Variants in FRZB observed in about 807,000 individuals in gnomAD.
The protein encoded by FRZB is secreted frizzled-related protein 3.
FRZB carries 34 observed loss-of-function variants against 32.5 expected under a neutral mutation model. That is an observed-to-expected ratio of 1.05 (90% CI 0.80 to 1.39). The LOEUF (loss-of-function observed/expected upper bound fraction) is 1.39, where lower values mean the gene tolerates loss of function less well. FRZB is among the 40% of genes most tolerant of loss of function. FRZB has a pLI of 0.00. For missense variants in FRZB, 423 were observed against 424.8 expected (o/e 1.00, Z 0.04); for synonymous variants, 170 against 159.2 (o/e 1.07, Z -0.51).
intron 2 of FRZB, among the ~76,000 whole-genome samples, chr2:182,849,502 A>G (rs925801855): frequency 7.2e-5 from 11 of 152,284 alleles, no homozygotes; most frequent in Non-Finnish European, 1.3e-4. Context: ...TTTATTTCCT[A>G]CACCTATACA....
rs150220037 is a variant in FRZB, at chr2:182,834,255, A to G, written c.*594T>C. On this transcript the variant is annotated 3_prime_UTR_variant, in exon 6 of 6. Transcript: ENST00000295113. ...TTTATTTTACTTCCTGACAGTCTCA[A>G]AAATAATTCATCTTGGGTGTTGTTT... 19 of 152,346 alleles carry G rather than the reference A, an allele frequency of 1.2e-4. No homozygotes were observed. The highest frequency in any genetic ancestry group is 4.1e-4 in the African/African-American group (17 of 41,534). 9.4% of individuals were successfully genotyped at this position (152,346 alleles called of 1,614,324 possible).
intron 5 of FRZB, among the ~76,000 whole-genome samples, chr2:182,835,493 A>C (rs1695514601): frequency 6.6e-6 from 1 of 152,108 alleles, no homozygotes; most frequent in Non-Finnish European, 1.5e-5. Context: ...CACTAAGTAC[A>C]ATGAATAAAA....
Position 182,834,636 on chromosome 2 carries a change from A to G in FRZB, c.*213T>C. On this transcript the variant is annotated 3_prime_UTR_variant, in exon 6 of 6. Transcript: ENST00000295113. ...TAGTGAAATAGAAAACTCACAATATACTTAAGAGTCTGCCCCCAAACCATT... is the reference window on the plus strand; with the variant it reads ...TAGTGAAATAGAAAACTCACAATATGCTTAAGAGTCTGCCCCCAAACCATT... 1.8e-6 allele frequency: 1 copy of G among 566,282 alleles called. No homozygotes were observed. The allele number at this position is 566,282 out of a possible 1,614,324, so 35.1% of individuals were successfully genotyped here. A position where few individuals can be genotyped will look rare whatever the true frequency, so the allele number is the denominator to read the frequency against.
At chr2:182,856,359 C>T (rs185446331) in intron 2 of FRZB, among the ~76,000 whole-genome samples, 76 of 151,694 alleles carry the variant, frequency 5.0e-4, no homozygotes, top group Non-Finnish European at 8.8e-4. Flanking sequence ...ATCTCACATA[C>T]GTGTGTGTGT....
chr2:182,847,099 A>G (rs1695651961), intron 2 of FRZB, among the ~76,000 whole-genome samples: 1 of 152,238 alleles, frequency 6.6e-6, no homozygotes, highest in Non-Finnish European at 1.5e-5. Context: ...GGCACTACAG[A>G]CAATCCAGAA....
At chr2:182,846,121 T>A (rs1352943070) in intron 2 of FRZB, among the ~76,000 whole-genome samples, 1 of 152,216 alleles carries the variant, frequency 6.6e-6, no homozygotes, top group Non-Finnish European at 1.5e-5. Context: ...TGCTCATTTA[T>A]TTTTTAAAAA....
chr2:182,835,160 C>T (rs192593438), intron 5 of FRZB, among the ~76,000 whole-genome samples, 195 bp from the exon 6 acceptor site: 44 of 152,108 alleles, frequency 2.9e-4, no homozygotes, highest in South Asian at 4.1e-4. Context: ...CTTTAACAAG[C>T]GCAACATCTA....
At chr2:182,857,813 A>G (rs1160210720) in intron 2 of FRZB, among the ~76,000 whole-genome samples, 1 of 152,166 alleles carries the variant, frequency 6.6e-6, no homozygotes, top group East Asian at 1.9e-4. Context: ...CTCAGAACTC[A>G]TTAAGAAAAC....
At chr2:182,844,710 A>C (rs771157328) in intron 2 of FRZB, among the ~76,000 whole-genome samples, 1 of 152,192 alleles carries the variant, frequency 6.6e-6, no homozygotes, top group Non-Finnish European at 1.5e-5. Context: ...AAAACTTTCC[A>C]GGCAGGGATT....
At chr2:182,850,774 T>C (rs1695701329) in intron 2 of FRZB, among the ~76,000 whole-genome samples, 1 of 152,230 alleles carries the variant, frequency 6.6e-6, no homozygotes, top group Non-Finnish European at 1.5e-5. Flanking sequence ...ATGGTAGTTC[T>C]ATTTTTAGTT....
chr2:182,851,637 C>T (rs192878167), intron 2 of FRZB, among the ~76,000 whole-genome samples: 14 of 151,072 alleles, frequency 9.3e-5, no homozygotes, highest in Admixed American at 9.2e-4. Context: ...GCCTGAGCAA[C>T]AGAGTGAGAC....
Position 182,834,829 on chromosome 2 carries a change from T to C in FRZB, c.*20A>G, listed in dbSNP as rs376719824. 15 of 1,568,038 alleles carry C rather than the reference T, an allele frequency of 9.6e-6. No individual in the cohort carries two copies. The highest frequency in any genetic ancestry group is 5.4e-5 in the African/African-American group (4 of 73,580). On this transcript the variant is annotated 3_prime_UTR_variant, in exon 6 of 6. Coordinates refer to ENST00000295113, the MANE Select transcript of FRZB (RefSeq NM_001463.4). The stretch of plus-strand genomic sequence containing the variant: ...AGTCTTAATAGGAAGTCCACTGTGT[T>C]ACTTTTTGTATTTCGGGATTTAGTT...
At chr2:182,860,092 TA>T (rs1433222323) in intron 1 of FRZB, among the ~76,000 whole-genome samples, 1 of 152,138 alleles carries the variant, frequency 6.6e-6, no homozygotes, top group African/African-American at 2.4e-5. Flanking sequence ...GAGTGAAAAA[TA>T]AAACTTTGCT....
Position 182,866,568 on chromosome 2 carries a change from G to C in FRZB, c.-16C>G, listed in dbSNP as rs1026705213. 7.0e-7 allele frequency: 1 copy of C among 1,435,370 alleles called. No individual in the cohort carries two copies. The highest frequency in any genetic ancestry group is 9.1e-7 in the Non-Finnish European group (1 of 1,096,766). The allele number at this position is 1,435,370 out of a possible 1,614,324, so 88.9% of individuals were successfully genotyped here. ...CGCAGACCATGATCCCGGCAGGATG[G>C]GGCAGGGTGCAGCCGCGCAGTGGAC... On this transcript the variant is annotated 5_prime_UTR_variant, in exon 1 of 6. Coordinates refer to ENST00000295113, the MANE Select transcript of FRZB (RefSeq NM_001463.4). This position sits in a 1 kb window ranked among gnomAD's most constrained non-coding sequence, Gnocchi z 4.5.
intron 5 of FRZB, 35 bp from the exon 6 acceptor site, chr2:182,835,000 C>G: frequency 7.1e-7 from 1 of 1,405,706 alleles, no homozygotes; most frequent in Non-Finnish European, 1.0e-6. Flanking sequence ...GTCACAAGCA[C>G]ATATCACCAG....
chr2:182,834,925 C>G lies in FRZB; in HGVS notation c.902G>C (p.Ser301Thr), dbSNP rs369107489. The change falls in exon 6 of 6, where the codon AGT (serine) becomes ACT (threonine). Residue 301 changes from serine to threonine, a missense_variant. Ser to Thr is a moderately conservative substitution (Grantham distance 58). Coordinates refer to ENST00000295113, the MANE Select transcript of FRZB (RefSeq NM_001463.4). ...AGTGGAATCACTATTGCTAGAATCA[C>G]TTTTACTGAGTCCAAGATGACGAAG... ...MKLRHLGLSK[S>T]DSSNSDSTQS... 1 of 1,613,222 alleles carries G rather than the reference C, an allele frequency of 6.2e-7. No individual in the cohort carries two copies. Among genetic ancestry groups the G allele is most frequent in the African/African-American group, 1.3e-5 (1 of 74,862 alleles).
intron 2 of FRZB, among the ~76,000 whole-genome samples, chr2:182,849,496 T>C (rs752872712): frequency 3.3e-5 from 5 of 152,202 alleles, no homozygotes; most frequent in Non-Finnish European, 5.9e-5. Flanking sequence ...ACAATATTTA[T>C]TTCCTACACC....
intron 1 of FRZB, among the ~76,000 whole-genome samples, chr2:182,865,309 A>C (rs1695878642): frequency 6.6e-6 from 1 of 152,228 alleles, no homozygotes. Context: ...TGCCACTTAT[A>C]AAATGACTTG....
At chr2:182,836,988 G>A (rs1695532428) in intron 5 of FRZB, among the ~76,000 whole-genome samples, 1 of 151,922 alleles carries the variant, frequency 6.6e-6, no homozygotes, top group South Asian at 2.1e-4. Flanking sequence ...AAACCGCCCA[G>A]GGGTGTTTAA....
Sources: gnomAD v4.1 joint callset for allele counts (sites outside exome capture counted in the v4.1 genomes callset) on GRCh38, gnomAD v4.1.1 for gene constraint, Gnocchi (gnomAD v3.1) non-coding constraint, MANE v1.5 for transcripts, NCBI Gene and HGNC (gene_info 2026-07-23, HGNC 2026-07-21) for gene names.